The following CYB5R1 variants were observed in gnomAD, a reference collection of about 807,000 sequenced individuals.
CYB5R1 encodes the protein cytochrome b5 reductase 1.
CYB5R1 carries 32 observed loss-of-function variants against 37.4 expected under a neutral mutation model. The observed-to-expected ratio is 0.86, with a 90% CI of 0.65 to 1.15. The LOEUF (loss-of-function observed/expected upper bound fraction) is 1.15. CYB5R1 is among the 50% of genes most tolerant of loss of function. CYB5R1 has a pLI of 0.00. For missense variants in CYB5R1, 345 were observed against 382.5 expected, an observed-to-expected ratio of 0.90 and a Z score of 0.82; for synonymous variants, 159 against 155.2, an observed-to-expected ratio of 1.02 and a Z score of -0.18.
At chr1:202,964,781 G>A in intron 5 of CYB5R1, 86 bp from the exon 6 acceptor site, 3 of 938,024 alleles carry the variant, frequency 3.2e-6, no homozygotes, top group Non-Finnish European at 5.2e-6. Flanking sequence ...AAATATGCCT[G>A]AGGCCAGTTG....
At chr1:202,964,995 A>G (rs1430453374) in intron 5 of CYB5R1, 5 of 472,382 alleles carry the variant, frequency 1.1e-5, no homozygotes, top group Non-Finnish European at 1.9e-5. Flanking sequence ...CTATTTTCCC[A>G]AGTGGCACAC....
chr1:202,966,347 G>A (rs954709644), intron 3 of CYB5R1, 181 bp downstream of exon 3: 17 of 663,678 alleles, frequency 2.6e-5, no homozygotes, highest in African/African-American at 2.4e-4. Context: ...TGGGGGTCAT[G>A]GAAGCCACAC....
intron 1 of CYB5R1, 57 bp downstream of exon 1, chr1:202,967,134 G>T (rs1655113685): frequency 1.9e-6 from 3 of 1,589,064 alleles, no homozygotes; most frequent in South Asian, 2.2e-5. Context: ...GGAGCTGAGT[G>T]GCCAGAACCA....
chr1:202,965,665 T>C lies in CYB5R1; in HGVS notation c.346-165A>G, dbSNP rs537394826. 1.1e-4 allele frequency among the ~76,000 whole-genome samples: 16 copies of C among 149,202 alleles called. No homozygotes were observed. In the South Asian group the frequency reaches 3.2e-3, roughly 29 times the overall value. On this transcript the variant is annotated intron_variant, in intron 4 of 8. Transcript: ENST00000367249. ...TTTTTTTTTTGAGTCAGAGTTTTGC[T>C]CTTGCTGCCCAGGCTTGAGTGCAGT...
chr1:202,964,886 G>T, intron 5 of CYB5R1, 191 bp from the exon 6 acceptor site: 2 of 602,322 alleles, frequency 3.3e-6, no homozygotes, highest in Admixed American at 2.7e-5. Flanking sequence ...TGGGGCCAGG[G>T]CTATCTGTGA....
intron 1 of CYB5R1, 40 bp from the exon 2 acceptor site, chr1:202,966,938 A>G (rs1010351470): frequency 6.4e-6 from 10 of 1,560,444 alleles, no homozygotes; most frequent in Non-Finnish European, 8.7e-6. Context: ...AGGCTGGGTA[A>G]GAGCCCGGGG....
chr1:202,964,348 C>T (rs962013568), intron 6 of CYB5R1: 215 of 506,562 alleles, frequency 4.2e-4, no homozygotes, highest in Non-Finnish European at 7.0e-4. Context: ...CTGCTTCTCT[C>T]TTCTCTCACC....
rs1655045909 is a variant in CYB5R1, at chr1:202,964,416, C to T, written c.559+196G>A. On this transcript the variant is annotated intron_variant, in intron 6 of 8. Transcript: ENST00000367249. The stretch of plus-strand genomic sequence containing the variant: ...GCTCATTTAATTTGTTTCTCTAATT[C>T]CATCAGTTAAAATTTTTTTTGGTTT... 4 of 586,062 alleles carry T rather than the reference C, an allele frequency of 6.8e-6. No homozygotes were observed. The South Asian group carries it at 8.4e-5, about 12-fold the overall frequency. 36.3% of individuals were successfully genotyped at this position (586,062 alleles called of 1,614,324 possible). A position where few individuals can be genotyped will look rare whatever the true frequency, so the allele number is the denominator to read the frequency against.
rs139938675 is a variant in CYB5R1, at chr1:202,962,175, C to T, written c.*352G>A. The T allele has an allele frequency of 1.4e-5, 3 of 215,892 alleles. No homozygotes were observed. Among genetic ancestry groups the T allele is most frequent in the African/African-American group, 6.9e-5 (3 of 43,506 alleles). The allele number at this position is 215,892 out of a possible 1,614,324, so 13.4% of individuals were successfully genotyped here. ...AGTAAAACCCATTGCACAGACTGTTCCTTTCATCACAGACACAAAGAAGGT... is the reference window on the plus strand; with the variant it reads ...AGTAAAACCCATTGCACAGACTGTTTCTTTCATCACAGACACAAAGAAGGT... On this transcript the variant is annotated 3_prime_UTR_variant, in exon 9 of 9. Coordinates refer to ENST00000367249, the MANE Select transcript of CYB5R1 (RefSeq NM_016243.3).
intron 1 of CYB5R1, 26 bp downstream of exon 1, chr1:202,967,165 T>C: frequency 1.2e-6 from 2 of 1,607,728 alleles, no homozygotes; most frequent in Non-Finnish European, 1.7e-6. Context: ...GGTCCCCCAG[T>C]GGAGGATACT....
At chr1:202,967,144 A>G in intron 1 of CYB5R1, 47 bp downstream of exon 1, 1 of 1,600,460 alleles carries the variant, frequency 6.2e-7, no homozygotes, top group Non-Finnish European at 8.5e-7. Flanking sequence ...GGCCAGAACC[A>G]GATGGGGAGG....
chr1:202,965,917 C>T lies in CYB5R1; in HGVS notation c.315G>A (p.Glu105=). The stretch of plus-strand genomic sequence containing the variant: ...TGACAAGATCCACATAGCCTTGATC[C>T]TCATCACTGGTGACAGGAGTGTATG... The part of the protein sequence containing the change: ...IRPYTPVTSD[E]DQGYVDLVIK... Residue 105 remains glutamate (E), a synonymous_variant, in exon 4 of 9, where the codon GAG becomes GAA. Coordinates refer to ENST00000367249, the MANE Select transcript of CYB5R1 (RefSeq NM_016243.3). 1.2e-6 allele frequency: 2 copies of T among 1,613,766 alleles called. No individual in the cohort carries two copies. Among genetic ancestry groups the T allele is most frequent in the Non-Finnish European group, 1.7e-6 (2 of 1,179,648 alleles).
intron 4 of CYB5R1, 64 bp downstream of exon 4, chr1:202,965,823 G>T (rs147947575): frequency 2.4e-6 from 3 of 1,240,438 alleles, no homozygotes; most frequent in Non-Finnish European, 3.5e-6. Context: ...GCAAATCTTA[G>T]AAATTTCTAC....
In CYB5R1 at chr1:202,967,256, G is replaced by A. The variant is rs1457098642; in HGVS notation, c.-51C>T. 1.3e-6 allele frequency: 2 copies of A among 1,597,670 alleles called. No homozygotes were observed. Among genetic ancestry groups the A allele is most frequent in the Admixed American group, 3.4e-5 (2 of 59,356 alleles). On this transcript the variant is annotated 5_prime_UTR_variant, in exon 1 of 9. Coordinates refer to ENST00000367249, the MANE Select transcript of CYB5R1 (RefSeq NM_016243.3). ...CTGACAAGCCGACAGATCCCACAAT[G>A]CGCCGCGGGGCGGGTCGGAGGGCGG...
chr1:202,963,014 T>G lies in CYB5R1; in HGVS notation c.745+52A>C, dbSNP rs1280377758. 2.0e-6 allele frequency: 3 copies of G among 1,517,638 alleles called. No homozygotes were observed. In the East Asian group the frequency reaches 6.8e-5, roughly 34 times the overall value. 94.0% of individuals were successfully genotyped at this position (1,517,638 alleles called of 1,614,324 possible). On this transcript the variant is annotated intron_variant, in intron 8 of 8. Transcript: ENST00000367249. ...GCCAGAATTCACAAAGGGGCAAGGC[T>G]TTGATTTTGACGATGAGGGGATAGT...
intron 8 of CYB5R1, 135 bp from the exon 9 acceptor site, chr1:202,962,834 A>G (rs1354606465): frequency 5.2e-6 from 6 of 1,153,768 alleles, no homozygotes; most frequent in East Asian, 2.5e-5. Context: ...GGGAATGGGT[A>G]TACTCAGCCT....
chr1:202,962,710 G>A lies in CYB5R1; in HGVS notation c.746-11C>T, dbSNP rs1349943892. 6.2e-7 allele frequency: 1 copy of A among 1,613,828 alleles called. No homozygotes were observed. Among genetic ancestry groups the A allele is most frequent in the African/African-American group, 1.3e-5 (1 of 74,922 alleles). ...TGCTGTAGGCCCAATCTGAAGTATG[G>A]GGAGAAGAAAGTACTTAATACTCCA... On this transcript the variant is annotated splice_polypyrimidine_tract_variant and intron_variant, in intron 8 of 8. Transcript: ENST00000367249.
At chr1:202,965,808 G>T in intron 4 of CYB5R1, 79 bp downstream of exon 4, 2 of 1,064,132 alleles carry the variant, frequency 1.9e-6, no homozygotes, top group Non-Finnish European at 2.9e-6. Context: ...ATTTCCTGCT[G>T]TCAGGCAAAT....
At position 202,966,783 on chromosome 1, in the gene CYB5R1, T is replaced by G; in HGVS notation, c.131A>C (p.Asn44Thr). 1 of 1,613,980 alleles carries G rather than the reference T, an allele frequency of 6.2e-7. No homozygotes were observed. The highest frequency in any genetic ancestry group is 8.5e-7 in the Non-Finnish European group (1 of 1,179,958). ...TAGCAGTCGTAGCAGGTACTTTTCATTGGGGTCCAGGAGAGTGACCTGAGG... is the reference window on the plus strand; with the variant it reads ...TAGCAGTCGTAGCAGGTACTTTTCAGTGGGGTCCAGGAGAGTGACCTGAGG... ...RRPQVTLLDP[N>T]EKYLLRLLDK... Residue 44 changes from asparagine (N) to threonine (T), a missense_variant, in exon 2 of 9, where the codon AAT becomes ACT. By Grantham distance (65) the Asn-to-Thr change is moderately conservative. Coordinates refer to ENST00000367249, the MANE Select transcript of CYB5R1 (RefSeq NM_016243.3).
Sources: allele counts gnomAD v4.1 joint callset (sites outside exome capture counted in the v4.1 genomes callset), GRCh38; gene constraint gnomAD v4.1.1; transcripts MANE v1.5; gene names NCBI Gene and HGNC (gene_info 2026-07-23, HGNC 2026-07-21).